Variants in LATS2 observed in about 807,000 individuals in gnomAD.
The protein encoded by LATS2 is serine/threonine-protein kinase LATS2.
LATS2 carries 24 observed loss-of-function variants against 76.0 expected under a neutral mutation model. That is an observed-to-expected ratio of 0.32 (90% CI 0.23 to 0.44). The LOEUF (loss-of-function observed/expected upper bound fraction) is 0.44. Ranked by LOEUF, LATS2 falls within the 20% of genes least tolerant of loss-of-function variation. The pLI is 1.00. For synonymous variants in LATS2, 692 were observed against 635.4 expected (o/e 1.09, Z -1.34); for missense variants, 1,286 against 1,481.2 (o/e 0.87, Z 2.16).
chr13:21,009,293 C>CCGGA (rs1184769180), intron 2 of LATS2, among the ~76,000 whole-genome samples: 8 of 152,208 alleles, frequency 5.3e-5, no homozygotes, highest in African/African-American at 1.9e-4. Context: ...CACATTCAAC[C>CCGGA]CGGAGCCTTG....
intron 2 of LATS2, among the ~76,000 whole-genome samples, chr13:21,014,416 C>T (rs941113192): frequency 4.6e-5 from 7 of 152,192 alleles, no homozygotes; most frequent in African/African-American, 1.4e-4. Flanking sequence ...TCACTGCCAC[C>T]GTGGTTTGGC....
intron 2 of LATS2, among the ~76,000 whole-genome samples, chr13:20,995,988 AGAAAGCTTAATTTAG>A (rs1396452507): frequency 1.3e-5 from 2 of 152,200 alleles, no homozygotes; most frequent in Admixed American, 1.3e-4. Flanking sequence ...AAAACCCTCA[AGAAAGCTTAATTTAG>A]GAAAGCTTAA....
chr13:20,981,682 G>A, intron 5 of LATS2, 34 bp from the exon 6 acceptor site: 2 of 1,545,240 alleles, frequency 1.3e-6, no homozygotes, highest in Non-Finnish European at 1.8e-6. Context: ...TGAAAGAAAA[G>A]AACAAAATAT....
At chr13:21,038,007 T>C (rs1372706140) in intron 2 of LATS2, among the ~76,000 whole-genome samples, 1 of 152,176 alleles carries the variant, frequency 6.6e-6, no homozygotes, top group African/African-American at 2.4e-5. Context: ...TAGTCCCAGC[T>C]ACCTGGGTGG....
At chr13:20,981,685 C>CA (rs1377441403) in intron 5 of LATS2, 37 bp from the exon 6 acceptor site, 1 of 1,540,370 alleles carries the variant, frequency 6.5e-7, no homozygotes, top group Admixed American at 2.0e-5. Context: ...AAGAAAAGAA[C>CA]AAAATATAAA....
At chr13:21,046,636 G>C (rs1873085190) in intron 1 of LATS2, among the ~76,000 whole-genome samples, 1 of 152,072 alleles carries the variant, frequency 6.6e-6, no homozygotes, top group South Asian at 2.1e-4. Context: ...TCCACTCCTT[G>C]TCCTTCATCC....
At chr13:21,035,006 G>A (rs1424324304) in intron 2 of LATS2, among the ~76,000 whole-genome samples, 1 of 152,128 alleles carries the variant, frequency 6.6e-6, no homozygotes, top group African/African-American at 2.4e-5. Flanking sequence ...CAGGGCGGGA[G>A]GATCACTTGA....
At chr13:21,020,822 A>T (rs1872026820) in intron 2 of LATS2, among the ~76,000 whole-genome samples, 1 of 152,210 alleles carries the variant, frequency 6.6e-6, no homozygotes, top group Non-Finnish European at 1.5e-5. Flanking sequence ...AGGCACCTCC[A>T]TCCCTGCTGT....
intron 1 of LATS2, among the ~76,000 whole-genome samples, chr13:21,060,162 C>G (rs974338853): frequency 6.6e-6 from 1 of 152,214 alleles, no homozygotes; most frequent in Admixed American, 6.5e-5. Flanking sequence ...CCTCGCCCCC[C>G]GTTCCCAACC....
chr13:21,008,192 T>G (rs1871434870), intron 2 of LATS2, among the ~76,000 whole-genome samples: 1 of 133,580 alleles, frequency 7.5e-6, no homozygotes, highest in African/African-American at 3.4e-5. Context: ...CATTGCCAGC[T>G]ACTACTGTAG....
intron 5 of LATS2, among the ~76,000 whole-genome samples, chr13:20,982,864 G>A (rs1244589365): frequency 1.3e-5 from 2 of 151,540 alleles, no homozygotes; most frequent in Non-Finnish European, 2.9e-5. Context: ...GGTGGTGCGT[G>A]ACTGTAATCC....
intron 2 of LATS2, among the ~76,000 whole-genome samples, chr13:21,007,203 A>C (rs1871293479): frequency 6.6e-6 from 1 of 152,004 alleles, no homozygotes; most frequent in Admixed American, 6.6e-5. Context: ...TTTAAGTTAT[A>C]TTTCCAAAGG....
intron 4 of LATS2, 43 bp downstream of exon 4, chr13:20,987,838 G>T (rs751656446): frequency 6.3e-7 from 1 of 1,587,064 alleles, no homozygotes; most frequent in South Asian, 1.2e-5. Flanking sequence ...GCCAGTAGAG[G>T]GATGAGCCGG....
At chr13:21,004,974 T>TG (rs1212594546) in intron 2 of LATS2, among the ~76,000 whole-genome samples, 1 of 152,062 alleles carries the variant, frequency 6.6e-6, no homozygotes, top group Non-Finnish European at 1.5e-5. Context: ...TCTAAATGCC[T>TG]GGGGAAAGCA....
intron 2 of LATS2, among the ~76,000 whole-genome samples, chr13:21,022,795 T>A (rs2138364344): frequency 6.6e-6 from 1 of 152,090 alleles, no homozygotes; most frequent in Non-Finnish European, 1.5e-5. Context: ...TAAACAGAGC[T>A]ATCCACCCTG....
intron 2 of LATS2, among the ~76,000 whole-genome samples, chr13:21,007,563 ATATATATAT>A (rs1461105976): frequency 1.2e-4 from 2 of 16,712 alleles, no homozygotes; most frequent in African/African-American, 1.3e-3. Flanking sequence ...ATATATATAT[ATATATATAT>A]ATATATATAT....
chr13:21,037,388 G>C lies in LATS2; in HGVS notation c.342+8297C>G, dbSNP rs1174634930. 3.9e-5 allele frequency among the ~76,000 whole-genome samples: 6 copies of C among 152,202 alleles called. No individual in the cohort carries two copies. The East Asian group carries it at 5.8e-4, about 15-fold the overall frequency. On this transcript the variant is annotated intron_variant, in intron 2 of 7. Coordinates refer to ENST00000382592, the MANE Select transcript of LATS2 (RefSeq NM_014572.3). ...ATTGCATTCCAGCCTGGGCAACACA[G>C]CAAGACTCCATCTCAAAAATCATAA...
intron 1 of LATS2, among the ~76,000 whole-genome samples, chr13:21,058,202 C>A (rs992170400): frequency 6.6e-6 from 1 of 152,170 alleles, no homozygotes; most frequent in African/African-American, 2.4e-5. Context: ...TTTGAATTTA[C>A]CTTCTGTATT....
intron 7 of LATS2, among the ~76,000 whole-genome samples, chr13:20,978,162 G>A (rs542009974): frequency 6.8e-4 from 104 of 152,108 alleles, no homozygotes; most frequent in South Asian, 3.7e-3. Context: ...TAATCTGCCC[G>A]CCTCCGCCTC....
Sources: allele counts gnomAD v4.1 joint callset (sites outside exome capture counted in the v4.1 genomes callset), GRCh38; gene constraint gnomAD v4.1.1; transcripts MANE v1.5; gene names NCBI Gene and HGNC (gene_info 2026-07-23, HGNC 2026-07-21).